The following TRPC1 variants were observed in gnomAD, a reference collection of about 807,000 sequenced individuals.
TRPC1 encodes the protein transient receptor potential cation channel subfamily C member 1, also known as short transient receptor potential channel 1.
In TRPC1, 42 loss-of-function variants were observed where a neutral mutation model predicts 88.2. That is an observed-to-expected ratio of 0.48 (90% CI 0.37 to 0.62). TRPC1 has a LOEUF of 0.62. TRPC1 is among the 20% of genes least tolerant of loss of function. The pLI is 0.00. For synonymous variants in TRPC1, 288 were observed against 331.8 expected, an observed-to-expected ratio of 0.87 and a Z score of 1.43; for missense variants, 699 against 957.3, an observed-to-expected ratio of 0.73 and a Z score of 3.56.
intron 4 of TRPC1, among the ~76,000 whole-genome samples, chr3:142,752,094 G>A (rs1193385066): frequency 6.6e-6 from 1 of 152,098 alleles, no homozygotes; most frequent in African/African-American, 2.4e-5. Flanking sequence ...TAGTTGGGTG[G>A]GATGAGAGAC....
intron 10 of TRPC1, 75 bp downstream of exon 10, chr3:142,802,419 C>CA: frequency 9.5e-7 from 1 of 1,050,952 alleles, no homozygotes; most frequent in Non-Finnish European, 1.3e-6. Flanking sequence ...GAATTAGTAT[C>CA]TATAGAAATG....
Position 142,776,375 on chromosome 3 carries a change from T to C in TRPC1, c.633-1257T>C, listed in dbSNP as rs367755843. Reference sequence around the variant, plus strand: ...TTTATATTAAAAGAAAAATATAATATCTACTAAATTTGTAAATTAAGAATT... The same window carrying C: ...TTTATATTAAAAGAAAAATATAATACCTACTAAATTTGTAAATTAAGAATT... On this transcript the variant is annotated intron_variant, in intron 4 of 12. Transcript: ENST00000476941. The surrounding 1 kb of genome is among the most constrained non-coding windows in gnomAD (Gnocchi z 4.1). Among the ~76,000 whole-genome samples the C allele has an allele frequency of 6.6e-6, 1 of 152,040 alleles. No individual in the cohort carries two copies. Among genetic ancestry groups the C allele is most frequent in the East Asian group, 1.9e-4 (1 of 5,196 alleles).
At chr3:142,725,826 T>C (rs1933651129) in intron 1 of TRPC1, among the ~76,000 whole-genome samples, 1 of 152,154 alleles carries the variant, frequency 6.6e-6, no homozygotes, top group Admixed American at 6.5e-5. Context: ...CTTCCTAACC[T>C]CTCCTCCTGC....
intron 4 of TRPC1, among the ~76,000 whole-genome samples, chr3:142,753,747 CTT>C (rs1460470373): frequency 8.3e-6 from 1 of 120,126 alleles, no homozygotes; most frequent in African/African-American, 3.2e-5. Flanking sequence ...AAAAAAAAAA[CTT>C]AGAGAAATAG....
rs1159520441 is a variant in TRPC1 at position 142,763,959 on chromosome 3, A to AATATATATATATATATATATATATAT, written c.633-13648_633-13647insTATATATATATATATATATATATATA. Among the ~76,000 whole-genome samples the AATATATATATATATATATATATATAT allele has an allele frequency of 3.0e-3, 225 of 76,160 alleles. 7 individuals are homozygous for AATATATATATATATATATATATATAT. Among genetic ancestry groups the AATATATATATATATATATATATATAT allele is most frequent in the Middle Eastern group, 0.022 (3 of 138 alleles). The allele number at this position is 76,160 out of a possible 152,430, so 50.0% of individuals were successfully genotyped here. A position where few individuals can be genotyped will look rare whatever the true frequency, so the allele number is the denominator to read the frequency against. ...GCGAGACTCCGTCTCAAAAAAAAGA[A>AATATATATATATATATATATATATAT]ATATATATATATATATATATATATA... On this transcript the variant is annotated intron_variant, in intron 4 of 12. Transcript: ENST00000476941.
At chr3:142,754,255 T>C (rs577946374) in intron 4 of TRPC1, among the ~76,000 whole-genome samples, 1 of 152,214 alleles carries the variant, frequency 6.6e-6, no homozygotes, top group South Asian at 2.1e-4. Context: ...GGTTTTAGTC[T>C]CAATATTTGA....
At chr3:142,727,243 T>C (rs1378099738) in intron 1 of TRPC1, among the ~76,000 whole-genome samples, 1 of 152,228 alleles carries the variant, frequency 6.6e-6, no homozygotes, top group Admixed American at 6.5e-5. Context: ...GTAAATCAAC[T>C]CTAGAGTATC....
At chr3:142,759,235 C>A (rs1935093156) in intron 4 of TRPC1, among the ~76,000 whole-genome samples, 1 of 152,160 alleles carries the variant, frequency 6.6e-6, no homozygotes. Flanking sequence ...GTTCTAGATC[C>A]TTGAGAAATC....
rs115917464 is a variant in TRPC1, at chr3:142,802,282, A to G, written c.1695A>G (p.Ser565=). 2 of 1,598,348 alleles carry G rather than the reference A, an allele frequency of 1.3e-6. No individual in the cohort carries two copies. The highest frequency in any genetic ancestry group is 1.3e-5 in the African/African-American group (1 of 74,184). ...AACTGTATGATAAAGGATATACTTC[A>G]AAGGAGCAGAAGGACTGTGTAGGCA... ...LTQLYDKGYT[S]KEQKDCVGIF... The change falls in exon 10 of 13, where the codon TCA becomes TCG. Residue 565 remains serine (S), a synonymous_variant. Transcript: ENST00000476941.
intron 1 of TRPC1, among the ~76,000 whole-genome samples, chr3:142,730,617 T>G (rs1266511333): frequency 6.6e-6 from 1 of 151,832 alleles, no homozygotes; most frequent in Admixed American, 6.6e-5. Flanking sequence ...TTTTTTTTTT[T>G]TTTCCTTTTT....
At chr3:142,756,930 C>CT (rs1424678526) in intron 4 of TRPC1, among the ~76,000 whole-genome samples, 3 of 152,174 alleles carry the variant, frequency 2.0e-5, no homozygotes, top group African/African-American at 7.2e-5. Context: ...AGTCTACTCT[C>CT]TATCTTCATG....
At chr3:142,740,417 C>A (rs1308834422) in intron 2 of TRPC1, among the ~76,000 whole-genome samples, 2 of 152,170 alleles carry the variant, frequency 1.3e-5, no homozygotes, top group African/African-American at 4.8e-5. Flanking sequence ...CATTATATTT[C>A]TAGGGAGAGA....
At chr3:142,783,786 A>G (rs1195134213) in intron 6 of TRPC1, among the ~76,000 whole-genome samples, 1 of 152,184 alleles carries the variant, frequency 6.6e-6, no homozygotes, top group Non-Finnish European at 1.5e-5. Flanking sequence ...AGGTTGACCA[A>G]ATATTATTGT....
At chr3:142,785,418 G>T in intron 7 of TRPC1, 1 of 158,638 alleles carries the variant, frequency 6.3e-6, no homozygotes, top group Non-Finnish European at 1.4e-5. Context: ...ATACTGTTGT[G>T]CATTTTTAAA....
intron 9 of TRPC1, among the ~76,000 whole-genome samples, chr3:142,794,727 G>C (rs748724852): frequency 1.3e-5 from 2 of 152,060 alleles, no homozygotes; most frequent in African/African-American, 4.8e-5. Context: ...ACACTACCTC[G>C]GGCAGGGAAA....
intron 3 of TRPC1, among the ~76,000 whole-genome samples, chr3:142,747,486 A>C (rs1010203624): frequency 4.0e-4 from 61 of 152,292 alleles, no homozygotes; most frequent in African/African-American, 1.4e-3. Context: ...AAGGAGCTCC[A>C]GCTCTAGAGT....
Position 142,724,623 on chromosome 3 carries a change from T to C in TRPC1, c.64T>C (p.Ser22Pro), listed in dbSNP as rs760081567. 4.1e-5 allele frequency: 66 copies of C among 1,611,784 alleles called. No homozygotes were observed. In the South Asian group the frequency reaches 6.7e-4, roughly 16 times the overall value. ...CGCCTCCTCCTCCTCCCTGCCTTCC[T>C]CTCCATCCTCTTCCTCGCCGAACGA... The part of the protein sequence containing the change: ...SGASSSSLPS[S>P]PSSSSPNEVM... Residue 22 changes from serine (S) to proline (P), a missense_variant, in exon 1 of 13, where the codon TCT becomes CCT. Physicochemically the swap from Ser to Pro is moderately conservative, Grantham distance 74. Transcript: ENST00000476941. This position sits in a 1 kb window ranked among gnomAD's most constrained non-coding sequence, Gnocchi z 5.6.
chr3:142,804,268 A>G (rs1936713795), intron 11 of TRPC1, 90 bp downstream of exon 11: 8 of 1,226,076 alleles, frequency 6.5e-6, no homozygotes, highest in Non-Finnish European at 8.9e-6. Context: ...ATAAGATTAT[A>G]AGAATTGAAA....
At chr3:142,777,120 G>A (rs1316497636) in intron 4 of TRPC1, among the ~76,000 whole-genome samples, 1 of 152,016 alleles carries the variant, frequency 6.6e-6, no homozygotes, top group Non-Finnish European at 1.5e-5. Flanking sequence ...AAGACTAGCT[G>A]GGCCACATAG....
Sources: allele counts gnomAD v4.1 joint callset (sites outside exome capture counted in the v4.1 genomes callset), GRCh38; gene constraint gnomAD v4.1.1; non-coding constraint Gnocchi (gnomAD v3.1); transcripts MANE v1.5; gene names NCBI Gene and HGNC (gene_info 2026-07-23, HGNC 2026-07-21).